ZNF711: variants seen among roughly 807,000 people sequenced by gnomAD.
The protein encoded by ZNF711 is ZFX family zinc finger ZNF711.
Under a neutral mutation model 43.5 loss-of-function variants are expected in ZNF711, and 3 were observed. The ratio of observed to expected loss-of-function variants is 0.07; its 90% confidence interval spans 0.03 to 0.18. ZNF711 has a LOEUF of 0.18. Among genes scored for constraint, ZNF711 ranks in the 10% least tolerant of loss-of-function variants. The pLI is 1.00. For missense variants in ZNF711, 412 were observed against 604.0 expected (o/e 0.68, Z 3.33); for synonymous variants, 209 against 207.7 (o/e 1.01, Z -0.06).
chrX:85,261,598 A>G (rs2147843878), intron 5 of ZNF711, among the ~76,000 whole-genome samples: 1 of 111,460 alleles, frequency 9.0e-6, no homozygotes, highest in African/African-American at 3.2e-5. Flanking sequence ...TAAAAAGCCT[A>G]CCTAACTTTT....
chrX:85,250,709 C>T (rs1967638659), intron 4 of ZNF711, among the ~76,000 whole-genome samples: 1 of 111,314 alleles, frequency 9.0e-6, no homozygotes, highest in Admixed American at 9.5e-5. Context: ...GCTATTAGAT[C>T]AAGAGTAACT....
intron 4 of ZNF711, among the ~76,000 whole-genome samples, chrX:85,254,746 G>T (rs1294445888): frequency 3.0e-5 from 3 of 99,096 alleles, no homozygotes; most frequent in African/African-American, 1.1e-4. Context: ...AGTTTGCAGT[G>T]AGCCGAGATC....
chrX:85,251,476 C>G (rs992928861), intron 4 of ZNF711, among the ~76,000 whole-genome samples: 1 of 110,972 alleles, frequency 9.0e-6, no homozygotes, highest in Non-Finnish European at 1.9e-5. Context: ...AGACCTGACA[C>G]GTAACAGATT....
chrX:85,244,804 A>G (rs1382265317), intron 1 of ZNF711: 2 of 110,664 alleles, frequency 1.8e-5, no homozygotes, highest in East Asian at 2.9e-4. Context: ...ACCGTCTCCC[A>G]CGTAGCGGGG....
chrX:85,271,227 A>G lies in ZNF711; in HGVS notation c.1823A>G (p.Tyr608Cys), dbSNP rs1264368428. 2 of 1,209,734 alleles carry G rather than the reference A, an allele frequency of 1.7e-6. No homozygotes were observed. The highest frequency in any genetic ancestry group is 2.3e-4 in the Middle Eastern group (1 of 4,345). ...TCTAAACATGGTAACAATTTGCCAT[A>G]TAAATGTGAGCATTGTCCCCAAGCA... ...IKSKHGNNLP[Y>C]KCEHCPQAFG... The change falls in exon 11 of 11, where the codon TAT becomes TGT. Residue 608 changes from tyrosine to cysteine, a missense_variant. Around this residue, in one of 4 missense-constraint regions of ZNF711, gnomAD observed 375 missense variants for 514.2 expected, o/e 0.73. Transcript: ENST00000674551.
intron 7 of ZNF711, among the ~76,000 whole-genome samples, chrX:85,265,983 C>T (rs1931060882): frequency 9.0e-6 from 1 of 111,710 alleles, no homozygotes; most frequent in African/African-American, 3.3e-5. Flanking sequence ...GTTTCCTTTC[C>T]TGCCATACCG....
chrX:85,260,052 A>T (rs1930504076), intron 5 of ZNF711, among the ~76,000 whole-genome samples: 1 of 111,062 alleles, frequency 9.0e-6, no homozygotes, highest in Non-Finnish European at 1.9e-5. Context: ...TTATTTTGAG[A>T]TATGTTCCTT....
At chrX:85,262,525 T>C (rs1200474520) in intron 5 of ZNF711, among the ~76,000 whole-genome samples, 2 of 110,657 alleles carry the variant, frequency 1.8e-5, no homozygotes, top group Non-Finnish European at 3.8e-5. Flanking sequence ...CATGATTTTT[T>C]CTATGTCATT....
chrX:85,263,618 T>C, intron 5 of ZNF711, among the ~76,000 whole-genome samples: 1 of 110,101 alleles, frequency 9.1e-6, no homozygotes, highest in Non-Finnish European at 1.9e-5. Context: ...AAACAACCAC[T>C]ATTTAATTTG....
Position 85,272,794 on chromosome X carries a change from A to G in ZNF711, c.*966A>G, listed in dbSNP as rs1460734137. ...TTGATTTTTAAAATCTATATACCAT[A>G]TGATTAACATGCATTTTCAATATGA... On this transcript the variant is annotated 3_prime_UTR_variant, in exon 11 of 11. Transcript: ENST00000674551. 8.9e-6 allele frequency: 1 copy of G among 112,148 alleles called. No individual in the cohort carries two copies. Among genetic ancestry groups the G allele is most frequent in the African/African-American group, 3.2e-5 (1 of 30,874 alleles). 9.2% of individuals were successfully genotyped at this position (112,148 alleles called of 1,213,427 possible).
chrX:85,249,879 C>G lies in ZNF711; in HGVS notation c.79+2228C>G, dbSNP rs766720913. On this transcript the variant is annotated intron_variant, in intron 4 of 10. Transcript: ENST00000674551. ...TCATTCCCCATTCTGCCTCTCCCCA[C>G]CAGCCCTAGGCAGCCACTAATCTTT... is the stretch of plus-strand genomic sequence containing the variant. Among the ~76,000 whole-genome samples, 6 of 111,806 alleles carry G rather than the reference C, an allele frequency of 5.4e-5. No individual in the cohort carries two copies. In the East Asian group the frequency reaches 1.7e-3, roughly 31 times the overall value.
chrX:85,271,989 C>G lies in ZNF711; in HGVS notation c.*161C>G, dbSNP rs1196055993. 2.1e-6 allele frequency: 1 copy of G among 467,164 alleles called. No individual in the cohort carries two copies. The highest frequency in any genetic ancestry group is 4.0e-5 in the Admixed American group (1 of 24,817). 38.5% of individuals were successfully genotyped at this position (467,164 alleles called of 1,213,427 possible). On this transcript the variant is annotated 3_prime_UTR_variant, in exon 11 of 11. Transcript: ENST00000674551. ...AAAATATTTGAATTCACAGGGGATC[C>G]CATAGCCCTTTGAAAATTACTTAAA...
intron 5 of ZNF711, among the ~76,000 whole-genome samples, chrX:85,260,244 T>TAGTTG (rs1208980871): frequency 1.8e-5 from 2 of 111,067 alleles, no homozygotes; most frequent in African/African-American, 3.3e-5. Context: ...GAATGAAACC[T>TAGTTG]AGTTGATCAT....
At chrX:85,268,254 A>G in intron 8 of ZNF711, 40 bp from the exon 9 acceptor site, 1 of 1,131,396 alleles carries the variant, frequency 8.8e-7, no homozygotes, top group East Asian at 3.2e-5. Flanking sequence ...TTAGCATATC[A>G]GTTTGTAATT....
Position 85,255,808 on chromosome X carries a change from G to T in ZNF711, c.622+7G>T. 3 of 1,206,166 alleles carry T rather than the reference G, an allele frequency of 2.5e-6. No homozygotes were observed. The highest frequency in any genetic ancestry group is 3.4e-6 in the Non-Finnish European group (3 of 892,589). On this transcript the variant is annotated splice_region_variant and intron_variant, in intron 5 of 10. Transcript: ENST00000674551. ...GACTACTTAATGATATCTTGTAAGT[G>T]AAACATAAAGCCCATAATTACTCAG...
chrX:85,265,038 A>C, intron 6 of ZNF711, 80 bp from the exon 7 acceptor site: 20 of 797,782 alleles, frequency 2.5e-5, no homozygotes, highest in Non-Finnish European at 3.4e-5. Context: ...TCTAAGAAAT[A>C]TTTCTATATA....
intron 4 of ZNF711, 80 bp downstream of exon 4, chrX:85,247,731 G>A: frequency 2.5e-6 from 2 of 784,780 alleles, no homozygotes; most frequent in African/African-American, 4.1e-5. Flanking sequence ...TTGAGGAAGG[G>A]GAGAATTACA....
chrX:85,250,611 C>A (rs112211240), intron 4 of ZNF711, among the ~76,000 whole-genome samples: 9,074 of 110,874 alleles, frequency 0.082, 838 homozygotes, highest in African/African-American at 0.27. Context: ...TTTTAAATTT[C>A]ATTTTTATGC....
In ZNF711 at chrX:85,271,159, T is replaced by C; in HGVS notation, c.1755T>C (p.Ile585=). 1 of 1,210,347 alleles carries C rather than the reference T, an allele frequency of 8.3e-7. No homozygotes were observed. Among genetic ancestry groups the C allele is most frequent in the East Asian group, 3.0e-5 (1 of 33,714 alleles). ...AGCCATATCAGTGTCAGTATTGTAT[T>C]TTCAGGTGTGCAGATCAATCAAATC... is the stretch of plus-strand genomic sequence containing the variant. ...GEKPYQCQYC[I]FRCADQSNLK... is the part of the protein sequence containing the mutation. The change falls in exon 11 of 11, where the codon ATT becomes ATC. Residue 585 remains isoleucine (I), a synonymous_variant. Transcript: ENST00000674551.
Sources: gnomAD v4.1 joint callset for allele counts (sites outside exome capture counted in the v4.1 genomes callset) on GRCh38, gnomAD v4.1.1 for gene constraint, gnomAD v4.1.1 regional missense constraint, MANE v1.5 for transcripts, NCBI Gene and HGNC (gene_info 2026-07-23, HGNC 2026-07-21) for gene names.